MALRD1: variants seen among roughly 807,000 people sequenced by gnomAD.
The protein encoded by MALRD1 is MAM and LDL receptor class A domain containing 1, also known as MAM and LDL-receptor class A domain-containing protein 1.
In MALRD1, 247 loss-of-function variants were observed where a neutral mutation model predicts 242.1. The ratio of observed to expected loss-of-function variants is 1.02; its 90% CI spans 0.92 to 1.13. MALRD1 has a LOEUF of 1.13. MALRD1 is among the 50% of genes most tolerant of loss of function. The pLI is 0.00. For synonymous variants in MALRD1, 995 were observed against 866.6 expected (o/e 1.15, Z -2.60); for missense variants, 2,989 against 2,533.1 (o/e 1.18, Z -3.86).
At chr10:19,384,455 A>T (rs1845982177) in intron 26 of MALRD1, among the ~76,000 whole-genome samples, 2 of 116,856 alleles carry the variant, frequency 1.7e-5, no homozygotes, top group Admixed American at 2.3e-4. Context: ...TAGTATATAT[A>T]ATATAATATA....
chr10:19,087,627 C>A (rs1835715146), intron 2 of MALRD1, among the ~76,000 whole-genome samples: 1 of 151,408 alleles, frequency 6.6e-6, no homozygotes, highest in South Asian at 2.1e-4. Flanking sequence ...ATACAGGTAT[C>A]CAATGCGTAA....
At chr10:19,563,131 C>T (rs972551002) in intron 32 of MALRD1, among the ~76,000 whole-genome samples, 2 of 152,110 alleles carry the variant, frequency 1.3e-5, no homozygotes, top group African/African-American at 4.8e-5. Flanking sequence ...ATTGTTTGAT[C>T]TCTCTATATA....
At chr10:19,391,886 A>C (rs951033264) in intron 28 of MALRD1, among the ~76,000 whole-genome samples, 1 of 152,246 alleles carries the variant, frequency 6.6e-6, no homozygotes, top group Admixed American at 6.5e-5. Context: ...GAAGCAAAAA[A>C]GTGGTGGCCT....
intron 8 of MALRD1, among the ~76,000 whole-genome samples, chr10:19,129,824 A>G (rs1837396699): frequency 6.7e-6 from 1 of 149,340 alleles, no homozygotes; most frequent in African/African-American, 2.4e-5. Context: ...AATTACATCT[A>G]TATGTATGTG....
In MALRD1 at chr10:19,521,406, T is replaced by C. The variant is rs184960234; in HGVS notation, c.5321-9788T>C. ...TGATCTTAACCAAAAAAAGACAAAA[T>C]GAAATAAACTTAGTCTAGATTCTCT... On this transcript the variant is annotated intron_variant, in intron 31 of 39. Coordinates refer to ENST00000454679, the MANE Select transcript of MALRD1 (RefSeq NM_001142308.3). 2.0e-3 allele frequency among the ~76,000 whole-genome samples: 306 copies of C among 152,204 alleles called. 2 individuals are homozygous for C. The highest frequency in any genetic ancestry group is 6.0e-3 in the African/African-American group (249 of 41,558).
intron 39 of MALRD1, among the ~76,000 whole-genome samples, chr10:19,731,606 T>C (rs577081109): frequency 6.6e-6 from 1 of 152,094 alleles, no homozygotes; most frequent in Non-Finnish European, 1.5e-5. Flanking sequence ...ATCCCCAGAA[T>C]TTATACATCC....
chr10:19,290,040 A>G (rs1841333457), intron 21 of MALRD1, among the ~76,000 whole-genome samples: 1 of 152,204 alleles, frequency 6.6e-6, no homozygotes. Flanking sequence ...TAAAAAGTCT[A>G]AAGAAGCCAC....
intron 33 of MALRD1, among the ~76,000 whole-genome samples, chr10:19,587,683 C>T (rs920146967): frequency 1.3e-5 from 2 of 152,144 alleles, no homozygotes; most frequent in African/African-American, 4.8e-5. Flanking sequence ...GGCAAAGAAA[C>T]ACCTACAATA....
At chr10:19,671,297 A>G (rs1176606610) in intron 36 of MALRD1, among the ~76,000 whole-genome samples, 2 of 152,284 alleles carry the variant, frequency 1.3e-5, no homozygotes, top group East Asian at 3.9e-4. Context: ...TGTATGTTAC[A>G]TATGTAAATA....
intron 26 of MALRD1, among the ~76,000 whole-genome samples, chr10:19,384,768 A>T (rs4556435): frequency 4.8e-5 from 7 of 145,168 alleles, no homozygotes; most frequent in African/African-American, 1.3e-4. Flanking sequence ...TCTTTTTCTT[A>T]CCTAATTGCT....
rs554949789 is a variant in MALRD1, at chr10:19,161,016, T to G, written c.1657-4621T>G. 1.3e-4 allele frequency among the ~76,000 whole-genome samples: 19 copies of G among 151,810 alleles called. 1 individual carries two copies. In the South Asian group the frequency reaches 2.1e-3, roughly 17 times the overall value. The stretch of plus-strand genomic sequence containing the variant: ...TCCCATTACTGGGTATATACCCAAA[T>G]GAGTATAAATCATGCTGCTATAAAG... On this transcript the variant is annotated intron_variant, in intron 12 of 39. Coordinates refer to ENST00000454679, the MANE Select transcript of MALRD1 (RefSeq NM_001142308.3).
intron 29 of MALRD1, among the ~76,000 whole-genome samples, chr10:19,467,145 G>C (rs918872884): frequency 2.0e-5 from 3 of 151,966 alleles, no homozygotes; most frequent in Admixed American, 6.6e-5. Flanking sequence ...ATGAGGTCAG[G>C]AAATCAAGAC....
chr10:19,183,334 G>A (rs572703705), intron 14 of MALRD1, among the ~76,000 whole-genome samples: 4 of 151,584 alleles, frequency 2.6e-5, no homozygotes, highest in South Asian at 4.2e-4. Context: ...TTTGAAGGAA[G>A]CATGCAAAAT....
chr10:19,428,703 G>A (rs1833999601), intron 28 of MALRD1, among the ~76,000 whole-genome samples: 1 of 151,802 alleles, frequency 6.6e-6, no homozygotes, highest in African/African-American at 2.4e-5. Flanking sequence ...AAAAAAATCA[G>A]GTAATAGAAA....
intron 29 of MALRD1, among the ~76,000 whole-genome samples, chr10:19,477,917 G>A (rs1197433990): frequency 2.0e-5 from 3 of 152,174 alleles, no homozygotes; most frequent in African/African-American, 7.2e-5. Flanking sequence ...AAGGGAAGTT[G>A]GAGCTGCCAT....
chr10:19,616,642 G>T (rs986462900), intron 36 of MALRD1, among the ~76,000 whole-genome samples: 2 of 151,910 alleles, frequency 1.3e-5, no homozygotes, highest in African/African-American at 4.8e-5. Flanking sequence ...ATTGAAGGTT[G>T]CTATTCAAGT....
intron 26 of MALRD1, among the ~76,000 whole-genome samples, chr10:19,379,353 C>G (rs1266424822): frequency 2.6e-5 from 4 of 151,794 alleles, no homozygotes; most frequent in Non-Finnish European, 5.9e-5. Flanking sequence ...GATAAATTTG[C>G]TTTTATTTTT....
intron 21 of MALRD1, among the ~76,000 whole-genome samples, chr10:19,314,897 A>G (rs569820154): frequency 2.6e-5 from 4 of 151,178 alleles, no homozygotes; most frequent in Admixed American, 2.0e-4. Context: ...GTTATATATG[A>G]CCAGATAAAG....
At chr10:19,489,050 A>AGGGGC (rs996966419) in intron 29 of MALRD1, 6 of 457,652 alleles carry the variant, frequency 1.3e-5, no homozygotes, top group African/African-American at 1.2e-4. Flanking sequence ...CGGAGGGTGG[A>AGGGGC]GGGGCGGCAG....
Sources: gnomAD v4.1 joint callset for allele counts (sites outside exome capture counted in the v4.1 genomes callset) on GRCh38, gnomAD v4.1.1 for gene constraint, MANE v1.5 for transcripts, NCBI Gene and HGNC (gene_info 2026-07-23, HGNC 2026-07-21) for gene names.